Variants in GRM3 observed in about 807,000 individuals in gnomAD.
GRM3 encodes glutamate metabotropic receptor 3.
Under a neutral mutation model 70.5 loss-of-function variants are expected in GRM3, and 26 were observed. That is an observed-to-expected ratio of 0.37 (90% CI 0.27 to 0.51). GRM3 has a LOEUF of 0.51. Ranked by LOEUF, GRM3 falls within the 20% of genes least tolerant of loss-of-function variation. The pLI, the probability that GRM3 is intolerant of heterozygous loss-of-function variation, is 0.93. For missense variants in GRM3, 859 were observed against 1,123.8 expected (o/e 0.76, Z 3.37); for synonymous variants, 443 against 434.9 (o/e 1.02, Z -0.23).
At chr7:86,716,198 G>T (rs552252361) in intron 1 of GRM3, among the ~76,000 whole-genome samples, 2 of 151,786 alleles carry the variant, frequency 1.3e-5, no homozygotes, top group Non-Finnish European at 2.9e-5. Flanking sequence ...AGGGTTTATG[G>T]TCATCACACT....
chr7:86,682,293 CAG>C (rs1480042055), intron 1 of GRM3, among the ~76,000 whole-genome samples: 1 of 152,008 alleles, frequency 6.6e-6, no homozygotes, highest in African/African-American at 2.4e-5. Flanking sequence ...TTAAAAATTA[CAG>C]AAGTAAAATA....
chr7:86,782,654 G>A (rs1160264300), intron 2 of GRM3, among the ~76,000 whole-genome samples: 1 of 152,074 alleles, frequency 6.6e-6, no homozygotes, highest in Non-Finnish European at 1.5e-5. Flanking sequence ...ATATGGGGAC[G>A]CCCCCAACAT....
intron 1 of GRM3, among the ~76,000 whole-genome samples, chr7:86,651,473 A>G (rs1463591982): frequency 2.0e-5 from 3 of 152,224 alleles, no homozygotes; most frequent in African/African-American, 7.2e-5. Flanking sequence ...ATACATGCCA[A>G]TCTGAGAGAT....
rs1797268007 is a variant in GRM3, at chr7:86,787,005, C to A, written c.1213C>A (p.His405Asn). The change falls in exon 3 of 6, where the codon CAC becomes AAC. Residue 405 changes from histidine (H) to asparagine (N), a missense_variant. Coordinates refer to ENST00000361669, the MANE Select transcript of GRM3 (RefSeq NM_000840.3). Reference protein sequence around the residue: ...NAVYAMAHALHKMQRTLCPNT... With the variant: ...NAVYAMAHALNKMQRTLCPNT... Reference sequence around the variant, plus strand: ...GGTGTATGCCATGGCCCACGCTTTGCACAAAATGCAGCGCACCCTCTGTCC... The same window carrying A: ...GGTGTATGCCATGGCCCACGCTTTGAACAAAATGCAGCGCACCCTCTGTCC... The A allele has an allele frequency of 6.2e-7, 1 of 1,613,962 alleles. No homozygotes were observed.
chr7:86,722,957 C>T (rs979845260), intron 1 of GRM3, among the ~76,000 whole-genome samples: 3 of 151,874 alleles, frequency 2.0e-5, no homozygotes, highest in African/African-American at 7.3e-5. Context: ...ATATTTATTC[C>T]ACCTTTTCAC....
rs1012432399 is a variant in GRM3 at position 86,744,409 on chromosome 7, G to A, written c.-140-20597G>A. ...ATATTCTGGGCCCCTTAAAATAATT[G>A]CAGAGGGCTATCTTACAGATTCTAC... On this transcript the variant is annotated intron_variant, in intron 1 of 5. Coordinates refer to ENST00000361669, the MANE Select transcript of GRM3 (RefSeq NM_000840.3). 6.6e-5 allele frequency among the ~76,000 whole-genome samples: 10 copies of A among 151,626 alleles called. No individual in the cohort carries two copies. The East Asian group carries it at 2.0e-3, about 30-fold the overall frequency.
chr7:86,770,181 G>A (rs548022567), intron 2 of GRM3, among the ~76,000 whole-genome samples: 8 of 152,188 alleles, frequency 5.3e-5, no homozygotes, highest in African/African-American at 1.7e-4. Flanking sequence ...TTGCCTAGAT[G>A]GAGCAAATTT....
At chr7:86,685,059 A>T (rs1478198429) in intron 1 of GRM3, among the ~76,000 whole-genome samples, 1 of 152,180 alleles carries the variant, frequency 6.6e-6, no homozygotes, top group African/African-American at 2.4e-5. Context: ...TAGATTGAAA[A>T]TTGTTGCTAG....
At chr7:86,654,844 T>C (rs1200415572) in intron 1 of GRM3, among the ~76,000 whole-genome samples, 1 of 152,204 alleles carries the variant, frequency 6.6e-6, no homozygotes, top group Non-Finnish European at 1.5e-5. Flanking sequence ...TCTAGAGATA[T>C]TATAGCATGA....
intron 3 of GRM3, among the ~76,000 whole-genome samples, chr7:86,797,492 T>C (rs566333939): frequency 9.9e-5 from 15 of 152,266 alleles, no homozygotes; most frequent in African/African-American, 3.4e-4. Flanking sequence ...GCAGAAGAAA[T>C]TTCTAAGCAG....
chr7:86,690,477 T>C (rs1794671492), intron 1 of GRM3, among the ~76,000 whole-genome samples: 1 of 152,032 alleles, frequency 6.6e-6, no homozygotes, highest in African/African-American at 2.4e-5. Context: ...AGAAGATCAG[T>C]GAGAAAGTGA....
intron 1 of GRM3, among the ~76,000 whole-genome samples, chr7:86,665,520 A>C (rs1174657626): frequency 6.6e-6 from 1 of 152,014 alleles, no homozygotes; most frequent in East Asian, 1.9e-4. Flanking sequence ...ACAATATCTT[A>C]CTATCAATCA....
chr7:86,696,818 G>A (rs1794829591), intron 1 of GRM3, among the ~76,000 whole-genome samples: 1 of 152,072 alleles, frequency 6.6e-6, no homozygotes. Flanking sequence ...TGTGCTATGA[G>A]GGAACCTCTC....
chr7:86,777,521 T>C (rs1382119885), intron 2 of GRM3, among the ~76,000 whole-genome samples: 1 of 152,016 alleles, frequency 6.6e-6, no homozygotes, highest in Non-Finnish European at 1.5e-5. Context: ...CATGTAAGAG[T>C]TGTTGACCTC....
At chr7:86,796,848 T>G (rs989387680) in intron 3 of GRM3, among the ~76,000 whole-genome samples, 1 of 152,142 alleles carries the variant, frequency 6.6e-6, no homozygotes, top group African/African-American at 2.4e-5. Flanking sequence ...CAATGGGTGG[T>G]AATTGAATCA....
chr7:86,786,796 G>T lies in GRM3; in HGVS notation c.1004G>T (p.Arg335Leu). ...LASQPVRQFDRYFQSLNPYNN... is the reference protein window; with the variant it reads ...LASQPVRQFDLYFQSLNPYNN... ...TCCCAGCCTGTCCGCCAGTTCGACC[G>T]CTACTTCCAGAGCCTCAACCCCTAC... The change falls in exon 3 of 6, where the codon CGC (arginine) becomes CTC (leucine). Residue 335 changes from arginine (R) to leucine (L), a missense_variant. Coordinates refer to ENST00000361669, the MANE Select transcript of GRM3 (RefSeq NM_000840.3). The surrounding 1 kb of genome is among the most constrained non-coding windows in gnomAD (Gnocchi z 6.0). 6.2e-7 allele frequency: 1 copy of T among 1,614,136 alleles called. No individual in the cohort carries two copies.
At chr7:86,801,965 G>A (rs1051850847) in intron 3 of GRM3, among the ~76,000 whole-genome samples, 2 of 152,136 alleles carry the variant, frequency 1.3e-5, no homozygotes, top group African/African-American at 4.8e-5. Context: ...CACATTGGTT[G>A]TGATCCTTGG....
intron 1 of GRM3, among the ~76,000 whole-genome samples, chr7:86,657,712 T>C (rs1793782303): frequency 6.6e-6 from 1 of 152,148 alleles, no homozygotes; most frequent in East Asian, 1.9e-4. Flanking sequence ...AGAGATGAGT[T>C]GGCAGGTTAT....
intron 5 of GRM3, among the ~76,000 whole-genome samples, chr7:86,861,492 G>A (rs1330197358): frequency 6.6e-6 from 1 of 152,192 alleles, no homozygotes; most frequent in Non-Finnish European, 1.5e-5. Flanking sequence ...ACTGGGTGAT[G>A]TGACAGTAAC....
Sources: allele counts gnomAD v4.1 joint callset (sites outside exome capture counted in the v4.1 genomes callset), GRCh38; gene constraint gnomAD v4.1.1; non-coding constraint Gnocchi (gnomAD v3.1); transcripts MANE v1.5; gene names NCBI Gene and HGNC (gene_info 2026-07-23, HGNC 2026-07-21).